The following PLEKHA7 variants were observed in gnomAD, a reference collection of about 807,000 sequenced individuals.
PLEKHA7 encodes pleckstrin homology domain-containing family A member 7.
PLEKHA7 carries 104 observed loss-of-function variants against 170.0 expected under a neutral mutation model. The observed-to-expected ratio is 0.61, with a 90% CI of 0.52 to 0.72. The LOEUF is 0.72. Among genes scored for constraint, PLEKHA7 ranks in the 30% least tolerant of loss-of-function variants. PLEKHA7 has a pLI of 0.00. For synonymous variants in PLEKHA7, 648 were observed against 660.8 expected (o/e 0.98, Z 0.30); for missense variants, 1,615 against 1,671.7 (o/e 0.97, Z 0.59).
intron 3 of PLEKHA7, among the ~76,000 whole-genome samples, chr11:16,916,536 A>G (rs7394466): frequency 0.91 from 138,471 of 152,256 alleles, 63,464 homozygotes; most frequent in Middle Eastern, 0.97. Context: ...ATTGTTTTGA[A>G]GATTAGATCG....
At position 16,803,270 on chromosome 11, in the gene PLEKHA7, T is replaced by A. The variant is rs370250887; in HGVS notation, c.2033A>T (p.Asp678Val). The change falls in exon 14 of 27, where the codon GAT becomes GTT. Residue 678 changes from aspartate to valine, a missense_variant. By Grantham distance (152) the Asp-to-Val change is radical. Transcript: ENST00000531066. ...GATCTTCACAGGCTTCAGACTTCGATCCTTGAGAAGGTCCCGGCCTGTCAT... is the reference window on the plus strand; with the variant it reads ...GATCTTCACAGGCTTCAGACTTCGAACCTTGAGAAGGTCCCGGCCTGTCAT... ...LKMTGRDLLK[D>V]RSLKPVKIAE... 43 of 1,613,898 alleles carry A rather than the reference T, an allele frequency of 2.7e-5. No individual in the cohort carries two copies. Among genetic ancestry groups the A allele is most frequent in the African/African-American group, 4.0e-5 (3 of 74,934 alleles).
chr11:16,984,435 G>A (rs1352852682), intron 3 of PLEKHA7, among the ~76,000 whole-genome samples: 1 of 152,132 alleles, frequency 6.6e-6, no homozygotes, highest in Non-Finnish European at 1.5e-5. Flanking sequence ...GACTCAGGGT[G>A]AAAGCTCAAG....
chr11:16,878,031 C>A (rs1432515217), intron 3 of PLEKHA7, among the ~76,000 whole-genome samples: 1 of 152,176 alleles, frequency 6.6e-6, no homozygotes, highest in Admixed American at 6.5e-5. Flanking sequence ...ATGAGCCTCC[C>A]TTCCCCGCAA....
At chr11:16,959,980 G>T (rs1861946730) in intron 3 of PLEKHA7, among the ~76,000 whole-genome samples, 1 of 152,132 alleles carries the variant, frequency 6.6e-6, no homozygotes, top group South Asian at 2.1e-4. Context: ...CCCCCCAAGG[G>T]ATCTACTGAC....
intron 21 of PLEKHA7, chr11:16,790,563 G>GT (rs1216186299): frequency 1.9e-6 from 1 of 536,768 alleles, no homozygotes; most frequent in Admixed American, 3.3e-5. Flanking sequence ...AGGCTTTCTA[G>GT]TAACTGCTAT....
chr11:17,002,310 G>A (rs548090260), intron 3 of PLEKHA7, among the ~76,000 whole-genome samples: 11 of 152,230 alleles, frequency 7.2e-5, no homozygotes, highest in Non-Finnish European at 1.3e-4. Context: ...AGGCTGAGGC[G>A]GGGGCATTGC....
intron 3 of PLEKHA7, among the ~76,000 whole-genome samples, chr11:17,010,966 C>T (rs1310198764): frequency 6.6e-6 from 1 of 152,206 alleles, no homozygotes; most frequent in African/African-American, 2.4e-5. Context: ...GCCACAGGGC[C>T]CTGCCTTTGA....
At chr11:16,779,325 C>T (rs2269910) in intron 26 of PLEKHA7, among the ~76,000 whole-genome samples, 26,109 of 152,204 alleles carry the variant, frequency 0.17, 2,499 homozygotes, top group East Asian at 0.28. Context: ...ATGTGGGTAG[C>T]GCTCTTGGCC....
intron 19 of PLEKHA7, 87 bp downstream of exon 19, chr11:16,794,401 T>G: frequency 7.3e-7 from 1 of 1,376,902 alleles, no homozygotes; most frequent in East Asian, 2.3e-5. Flanking sequence ...TTTCCCCAAG[T>G]TTTCCCAGGA....
At chr11:16,812,656 G>T (rs1849454003) in intron 13 of PLEKHA7, among the ~76,000 whole-genome samples, 2 of 152,188 alleles carry the variant, frequency 1.3e-5, no homozygotes, top group African/African-American at 4.8e-5. Flanking sequence ...CCTAAACCGA[G>T]ATGGGAGACT....
chr11:17,003,390 C>T (rs1186540216), intron 3 of PLEKHA7, among the ~76,000 whole-genome samples: 1 of 152,224 alleles, frequency 6.6e-6, no homozygotes, highest in African/African-American at 2.4e-5. Flanking sequence ...GGGCACCAGA[C>T]TTCTGCAGCC....
At chr11:16,916,263 T>G (rs1421379396) in intron 3 of PLEKHA7, among the ~76,000 whole-genome samples, 1 of 152,208 alleles carries the variant, frequency 6.6e-6, no homozygotes, top group African/African-American at 2.4e-5. Flanking sequence ...TATTAGCCCT[T>G]TGTCAGATGA....
chr11:16,972,198 C>T (rs900508587), intron 3 of PLEKHA7, among the ~76,000 whole-genome samples: 2 of 152,152 alleles, frequency 1.3e-5, no homozygotes, highest in Admixed American at 1.3e-4. Context: ...TCCTAACTCA[C>T]TGCAGCTTCA....
At position 16,979,464 on chromosome 11, in the gene PLEKHA7, TCAAGGTCACA is replaced by T. The variant is rs1207877048; in HGVS notation, c.221+34515_221+34524del. Among the ~76,000 whole-genome samples, 17 of 152,320 alleles carry T rather than the reference TCAAGGTCACA, an allele frequency of 1.1e-4. 1 individual carries two copies. The East Asian group carries it at 1.4e-3, about 12-fold the overall frequency. On this transcript the variant is annotated intron_variant, in intron 3 of 26. Coordinates refer to ENST00000531066, the MANE Select transcript of PLEKHA7 (RefSeq NM_001329630.2). Reference sequence around the variant, plus strand: ...ACATGGGATCTGAGGCCCACCTTGCTCAAGGTCACACAGTCAGTTAGTGACAGAACCAGGA... The same window carrying T: ...ACATGGGATCTGAGGCCCACCTTGCTCAGTCAGTTAGTGACAGAACCAGGA...
intron 13 of PLEKHA7, among the ~76,000 whole-genome samples, chr11:16,807,789 T>G (rs1849093207): frequency 6.6e-6 from 1 of 152,240 alleles, no homozygotes; most frequent in Non-Finnish European, 1.5e-5. Context: ...CAGCCCTTGC[T>G]GAACACTGGA....
intron 21 of PLEKHA7, 181 bp from the exon 22 acceptor site, chr11:16,790,059 C>A: frequency 3.3e-6 from 2 of 610,286 alleles, no homozygotes; most frequent in South Asian, 1.9e-5. Context: ...GGGGGCCAGC[C>A]CAGGGGTGAC....
chr11:16,929,959 GCGCCACTGCACTCC>G (rs1460005955), intron 3 of PLEKHA7, among the ~76,000 whole-genome samples: 1 of 151,938 alleles, frequency 6.6e-6, no homozygotes, highest in African/African-American at 2.4e-5. Context: ...AGCTGAGATT[GCGCCACTGCACTCC>G]AGCCTGGCAA....
chr11:16,833,023 C>T (rs78350331), intron 9 of PLEKHA7, among the ~76,000 whole-genome samples: 2 of 152,188 alleles, frequency 1.3e-5, no homozygotes, highest in Admixed American at 1.3e-4. Flanking sequence ...AAGGCAGGCT[C>T]GCTCTTTTGA....
At chr11:16,799,126 G>T (rs531697706) in intron 17 of PLEKHA7, among the ~76,000 whole-genome samples, 209 of 152,326 alleles carry the variant, frequency 1.4e-3, no homozygotes, top group Non-Finnish European at 2.3e-3. Flanking sequence ...AATACATTTT[G>T]AATTTCAGTT....
Sources: allele counts gnomAD v4.1 joint callset (sites outside exome capture counted in the v4.1 genomes callset), GRCh38; gene constraint gnomAD v4.1.1; transcripts MANE v1.5; gene names NCBI Gene and HGNC (gene_info 2026-07-23, HGNC 2026-07-21).